Variants in TMEM181 observed in about 807,000 individuals in gnomAD.
The protein encoded by TMEM181 is G protein-coupled receptor 178.
In TMEM181, 39 loss-of-function variants were observed where a neutral mutation model predicts 71.9. The observed-to-expected ratio is 0.54, with a 90% CI of 0.42 to 0.71. The LOEUF is 0.71. TMEM181 is among the 30% of genes least tolerant of loss of function. TMEM181 has a pLI of 0.00. For synonymous variants in TMEM181, 245 were observed against 228.8 expected, an observed-to-expected ratio of 1.07 and a Z score of -0.64; for missense variants, 595 against 583.0, an observed-to-expected ratio of 1.02 and a Z score of -0.21.
At position 158,628,322 on chromosome 6, in the gene TMEM181, T is replaced by C. The variant is rs767104332; in HGVS notation, c.1110-86T>C. 1.0e-5 allele frequency: 13 copies of C among 1,291,402 alleles called. No individual in the cohort carries two copies. In the Admixed American group the frequency reaches 2.0e-4, roughly 19 times the overall value. The allele number at this position is 1,291,402 out of a possible 1,614,324, so 80.0% of individuals were successfully genotyped here. On this transcript the variant is annotated intron_variant, in intron 13 of 16. Coordinates refer to ENST00000684151, the MANE Select transcript of TMEM181 (RefSeq NM_001376852.1). Reference sequence around the variant, plus strand: ...AATCATAGTGTACAGACGGAAAGCTTGAATGGGGTGAATAGAGAATTCTCT... The same window carrying C: ...AATCATAGTGTACAGACGGAAAGCTCGAATGGGGTGAATAGAGAATTCTCT...
chr6:158,612,395 G>A (rs1190559814), intron 10 of TMEM181, among the ~76,000 whole-genome samples: 1 of 152,164 alleles, frequency 6.6e-6, no homozygotes, highest in Non-Finnish European at 1.5e-5. Context: ...CCTTGGTCTC[G>A]GATTGACTGC....
At chr6:158,581,536 G>A (rs538853870) in intron 3 of TMEM181, among the ~76,000 whole-genome samples, 14 of 152,154 alleles carry the variant, frequency 9.2e-5, no homozygotes, top group African/African-American at 3.4e-4. Context: ...AGCTGATCAC[G>A]AGGTCAAGAG....
At chr6:158,552,597 T>C (rs1424263288) in intron 1 of TMEM181, among the ~76,000 whole-genome samples, 1 of 152,162 alleles carries the variant, frequency 6.6e-6, no homozygotes, top group African/African-American at 2.4e-5. Flanking sequence ...CATTTTAGCA[T>C]TGGGCCATAA....
chr6:158,618,693 A>T (rs1179154750), intron 10 of TMEM181, among the ~76,000 whole-genome samples: 1 of 152,192 alleles, frequency 6.6e-6, no homozygotes, highest in African/African-American at 2.4e-5. Context: ...CCTGGTGGTG[A>T]CAAAAATCTC....
At chr6:158,599,879 C>G (rs557781702) in intron 6 of TMEM181, among the ~76,000 whole-genome samples, 1 of 152,338 alleles carries the variant, frequency 6.6e-6, no homozygotes, top group Admixed American at 6.5e-5. Flanking sequence ...AGGAGGAGCA[C>G]GCAGGTGATT....
At chr6:158,605,130 A>AGTG (rs1562302773) in intron 6 of TMEM181, 137 bp from the exon 7 acceptor site, 75 of 211,004 alleles carry the variant, frequency 3.6e-4, no homozygotes, top group Middle Eastern at 1.2e-3. Context: ...AAAAAAAAAA[A>AGTG]AGTGTGTGTG....
At chr6:158,592,958 A>T (rs1784187987) in intron 6 of TMEM181, among the ~76,000 whole-genome samples, 1 of 152,168 alleles carries the variant, frequency 6.6e-6, no homozygotes, top group African/African-American at 2.4e-5. Context: ...ATAAGATAAT[A>T]TCCAGGGTTG....
chr6:158,608,111 A>G (rs1785055939), intron 8 of TMEM181, among the ~76,000 whole-genome samples: 1 of 152,218 alleles, frequency 6.6e-6, no homozygotes. Context: ...GGCTCTGACC[A>G]GGGAGAAAAG....
chr6:158,570,729 A>G (rs1782759461), intron 1 of TMEM181, among the ~76,000 whole-genome samples: 2 of 126,644 alleles, frequency 1.6e-5, no homozygotes, highest in South Asian at 4.6e-4. Context: ...GGCACTTCAC[A>G]TAACCTGGCG....
Position 158,625,704 on chromosome 6 carries a change from T to A in TMEM181, c.1059T>A (p.Asp353Glu). 6.2e-7 allele frequency: 1 copy of A among 1,609,386 alleles called. No homozygotes were observed. Among genetic ancestry groups the A allele is most frequent in the African/African-American group, 1.3e-5 (1 of 74,632 alleles). Reference sequence around the variant, plus strand: ...TTAATGAGTTTCTTTCTTTTTCAGATCTCAGGTTGAAATTTTTGACTGCAT... The same window carrying A: ...TTAATGAGTTTCTTTCTTTTTCAGAACTCAGGTTGAAATTTTTGACTGCAT... ...CSELRHMPYVDLRLKFLTALT... is the reference protein window; with the variant it reads ...CSELRHMPYVELRLKFLTALT... Residue 353 changes from aspartate (D) to glutamate (E), a missense_variant and splice_region_variant, in exon 13 of 17, where the codon GAT (aspartate) becomes GAA (glutamate). Transcript: ENST00000684151.
intron 6 of TMEM181, among the ~76,000 whole-genome samples, chr6:158,590,526 C>T (rs1418156480): frequency 1.3e-5 from 2 of 152,122 alleles, no homozygotes; most frequent in Admixed American, 6.5e-5. Context: ...TGCAGTGGCA[C>T]GATCTCGGCT....
intron 1 of TMEM181, among the ~76,000 whole-genome samples, chr6:158,552,111 C>A (rs924721183): frequency 6.6e-6 from 1 of 152,062 alleles, no homozygotes. Flanking sequence ...GAAAGGCATG[C>A]GAAATTTAAA....
chr6:158,626,772 G>A, intron 13 of TMEM181: 1 of 422,784 alleles, frequency 2.4e-6, no homozygotes, highest in Non-Finnish European at 4.8e-6. Flanking sequence ...TCACATAGAG[G>A]CTCACTCACA....
chr6:158,583,355 T>G (rs1188045165), intron 3 of TMEM181, among the ~76,000 whole-genome samples: 1 of 152,254 alleles, frequency 6.6e-6, no homozygotes, highest in Non-Finnish European at 1.5e-5. Context: ...CAAGATGGTT[T>G]TTTTCTTGAT....
chr6:158,573,486 C>A lies in TMEM181; in HGVS notation c.75C>A (p.Phe25Leu). ...TTGTCCTCGTGTTTGTCGTCTTCTT[C>A]ATCTGCTTTGGCCTGACCATCTTCG... ...RHFVLVFVVF[F>L]ICFGLTIFVG... The change falls in exon 2 of 17, where the codon TTC becomes TTA. Residue 25 changes from phenylalanine to leucine, a missense_variant. Phe to Leu is a conservative substitution (Grantham distance 22, BLOSUM62 0). Coordinates refer to ENST00000684151, the MANE Select transcript of TMEM181 (RefSeq NM_001376852.1). 6.2e-7 allele frequency: 1 copy of A among 1,607,760 alleles called. No individual in the cohort carries two copies. Among genetic ancestry groups the A allele is most frequent in the East Asian group, 2.2e-5 (1 of 44,568 alleles).
At chr6:158,624,692 C>T (rs1170959520) in intron 11 of TMEM181, among the ~76,000 whole-genome samples, 3 of 152,218 alleles carry the variant, frequency 2.0e-5, no homozygotes, top group East Asian at 3.8e-4. Flanking sequence ...TAAGACGGCG[C>T]GTGGATTCCC....
At chr6:158,599,469 T>C (rs1207278490) in intron 6 of TMEM181, among the ~76,000 whole-genome samples, 2 of 152,272 alleles carry the variant, frequency 1.3e-5, no homozygotes, top group African/African-American at 4.8e-5. Context: ...TCAAAAGGAA[T>C]GTCTAAGCCG....
intron 1 of TMEM181, among the ~76,000 whole-genome samples, chr6:158,553,862 C>T (rs1030696848): frequency 9.9e-5 from 15 of 152,106 alleles, no homozygotes; most frequent in Non-Finnish European, 1.8e-4. Context: ...GAAACAACGT[C>T]CAACAGGTCC....
intron 13 of TMEM181, among the ~76,000 whole-genome samples, chr6:158,627,165 C>T (rs1372415720): frequency 1.3e-5 from 2 of 151,588 alleles, no homozygotes; most frequent in East Asian, 1.9e-4. Context: ...GTCACACATC[C>T]TCACACACAC....
Sources: gnomAD v4.1 joint callset for allele counts (sites outside exome capture counted in the v4.1 genomes callset) on GRCh38, gnomAD v4.1.1 for gene constraint, MANE v1.5 for transcripts, NCBI Gene and HGNC (gene_info 2026-07-23, HGNC 2026-07-21) for gene names.